The following TNPO3 variants were observed in gnomAD, a reference collection of about 807,000 sequenced individuals.
The protein encoded by TNPO3 is transportin 3.
In TNPO3, 65 loss-of-function variants were observed where a neutral mutation model predicts 122.8. That is an observed-to-expected ratio of 0.53 (90% CI 0.43 to 0.65). The LOEUF (loss-of-function observed/expected upper bound fraction) is 0.65. TNPO3 is among the 30% of genes least tolerant of loss of function. TNPO3 has a pLI of 0.00. For synonymous variants in TNPO3, 372 were observed against 411.2 expected (o/e 0.90, Z 1.15); for missense variants, 850 against 1,136.7 (o/e 0.75, Z 3.63).
At chr7:129,000,600 C>T in intron 6 of TNPO3, 33 bp from the exon 7 acceptor site, 1 of 1,597,928 alleles carries the variant, frequency 6.3e-7, no homozygotes, top group Non-Finnish European at 8.5e-7. Flanking sequence ...AACAATGAGT[C>T]AGAAATCTGG....
chr7:129,054,717 A>G lies in TNPO3; in HGVS notation c.54T>C (p.Leu18=). 5 of 1,614,168 alleles carry G rather than the reference A, an allele frequency of 3.1e-6. No individual in the cohort carries two copies. The highest frequency in any genetic ancestry group is 3.4e-6 in the Non-Finnish European group (4 of 1,180,022). The change falls in exon 1 of 23, where the codon CTT becomes CTC. Residue 18 remains leucine (L), a synonymous_variant. Coordinates refer to ENST00000265388, the MANE Select transcript of TNPO3 (RefSeq NM_012470.4). ...LQLVYQAVQA[L]YHDPDPSGKE... ...TTCCGCTGGGATCTGGGTCGTGGTA[A>G]AGCGCCTGCACTGCCTGGTACACGA...
chr7:128,988,321 T>C (rs1800384931), intron 11 of TNPO3, among the ~76,000 whole-genome samples: 1 of 152,180 alleles, frequency 6.6e-6, no homozygotes, highest in Non-Finnish European at 1.5e-5. Context: ...TGTCCATTTC[T>C]AGTCTAATGA....
intron 1 of TNPO3, among the ~76,000 whole-genome samples, chr7:129,022,359 T>A (rs549786043): frequency 3.8e-4 from 57 of 151,996 alleles, no homozygotes; most frequent in African/African-American, 1.2e-3. Context: ...ATTTTTTTAA[T>A]TAAAAAAATT....
intron 1 of TNPO3, among the ~76,000 whole-genome samples, chr7:129,048,808 T>C (rs1405728978): frequency 6.6e-6 from 1 of 152,242 alleles, no homozygotes; most frequent in Non-Finnish European, 1.5e-5. Flanking sequence ...TATCTGCATG[T>C]ATGCACTTCT....
Position 128,988,622 on chromosome 7 carries a change from A to C in TNPO3, c.1498+1339T>G, listed in dbSNP as rs146864145. On this transcript the variant is annotated intron_variant, in intron 11 of 22. Coordinates refer to ENST00000265388, the MANE Select transcript of TNPO3 (RefSeq NM_012470.4). The stretch of plus-strand genomic sequence containing the variant: ...TCTTTTGATAAGAGTCTGCAAGTCA[A>C]CCTAGATTTGCTGCTTTCTGGACAT... 3.3e-5 allele frequency among the ~76,000 whole-genome samples: 5 copies of C among 152,328 alleles called. No individual in the cohort carries two copies. In the South Asian group the frequency reaches 1.0e-3, roughly 32 times the overall value.
In TNPO3 at chr7:128,991,356, G is replaced by C. The variant is rs187547110; in HGVS notation, c.1358+643C>G. 4.8e-3 allele frequency among the ~76,000 whole-genome samples: 727 copies of C among 152,238 alleles called. 3 individuals are homozygous for C. Among genetic ancestry groups the C allele is most frequent in the Non-Finnish European group, 7.7e-3 (521 of 68,002 alleles). ...CCAATCAAGACTGAATACAGAGCTT[G>C]ACTGCAGGTATCAGGTCACAATTCA... On this transcript the variant is annotated intron_variant, in intron 10 of 22. Transcript: ENST00000265388.
chr7:128,984,021 T>C (rs1310652535), intron 13 of TNPO3, 147 bp downstream of exon 13: 2 of 507,492 alleles, frequency 3.9e-6, no homozygotes, highest in Non-Finnish European at 6.9e-6. Context: ...TGCAGCTACT[T>C]TGATTACATT....
chr7:129,027,565 AAAAAAAAAAAAAAAAAAAAAAAAAAAC>A lies in TNPO3; in HGVS notation c.121-9435_121-9409del, dbSNP rs2150480535. 1.7e-5 allele frequency among the ~76,000 whole-genome samples: 2 copies of A among 118,058 alleles called. 1 individual carries two copies. Among genetic ancestry groups the A allele is most frequent in the South Asian group, 6.4e-4 (2 of 3,106 alleles). 77.5% of individuals were successfully genotyped at this position (118,058 alleles called of 152,430 possible). A position where few individuals can be genotyped will look rare whatever the true frequency, so the allele number is the denominator to read the frequency against. On this transcript the variant is annotated intron_variant, in intron 1 of 22. Coordinates refer to ENST00000265388, the MANE Select transcript of TNPO3 (RefSeq NM_012470.4). ...AACAGAGCAAGACTGTCTCAAAAAA[AAAAAAAAAAAAAAAAAAAAAAAAAAAC>A]AACACAAAAAATTCACTAAATACTC... is the stretch of plus-strand genomic sequence containing the variant.
intron 4 of TNPO3, among the ~76,000 whole-genome samples, chr7:129,012,003 C>CT (rs1174882837): frequency 0.047 from 6,126 of 131,666 alleles, 234 homozygotes; most frequent in Middle Eastern, 0.068. Flanking sequence ...CTTTTTCTTT[C>CT]TTTTTTTTTT....
intron 16 of TNPO3, among the ~76,000 whole-genome samples, chr7:128,977,410 T>C (rs1799169591): frequency 6.6e-6 from 1 of 152,156 alleles, no homozygotes; most frequent in Non-Finnish European, 1.5e-5. Context: ...CAGCATATAG[T>C]GAAAGTAGAG....
intron 1 of TNPO3, among the ~76,000 whole-genome samples, chr7:129,035,619 GA>G (rs940429068): frequency 7.4e-5 from 11 of 149,588 alleles, no homozygotes; most frequent in South Asian, 4.3e-4. Context: ...ACGTCGGGGG[GA>G]AAAAAAAAGC....
rs73463020 is a variant in TNPO3, at chr7:128,967,470, C to T, written c.2599-78G>A. On this transcript the variant is annotated intron_variant, in intron 20 of 22. Transcript: ENST00000265388. ...TGAGACCCTACAGATACTAACAAAA[C>T]CCCACAAATTTTCCTTAGTAGCATT... 0.022 allele frequency: 20,115 copies of T among 930,964 alleles called. 426 individuals are homozygous for T. Among genetic ancestry groups the T allele is most frequent in the East Asian group, 0.093 (3,733 of 40,012 alleles). The allele number at this position is 930,964 out of a possible 1,614,324, so 57.7% of individuals were successfully genotyped here.
intron 1 of TNPO3, among the ~76,000 whole-genome samples, chr7:129,042,711 A>T (rs1807534421): frequency 6.6e-6 from 1 of 152,164 alleles, no homozygotes; most frequent in South Asian, 2.1e-4. Context: ...TTAAGAAAAA[A>T]ATAAACTGAG....
In TNPO3 at chr7:128,955,240, G is replaced by A. The variant is rs1158328563; in HGVS notation, c.*177C>T. 2.2e-6 allele frequency: 1 copy of A among 446,226 alleles called. No homozygotes were observed. Among genetic ancestry groups the A allele is most frequent in the Non-Finnish European group, 4.5e-6 (1 of 224,170 alleles). The allele number at this position is 446,226 out of a possible 1,614,324, so 27.6% of individuals were successfully genotyped here. A position where few individuals can be genotyped will look rare whatever the true frequency, so the allele number is the denominator to read the frequency against. ...ACACCCCCAAACAGGAACTCCTCAG[G>A]ATGGCCTCAGAAGGCTGGAGTCTCT... On this transcript the variant is annotated 3_prime_UTR_variant, in exon 23 of 23. Coordinates refer to ENST00000265388, the MANE Select transcript of TNPO3 (RefSeq NM_012470.4).
At position 128,970,142 on chromosome 7, in the gene TNPO3, T is replaced by A; in HGVS notation, c.2598+6A>T. 6.2e-7 allele frequency: 1 copy of A among 1,613,948 alleles called. No individual in the cohort carries two copies. On this transcript the variant is annotated splice_donor_region_variant and intron_variant, in intron 20 of 22. Coordinates refer to ENST00000265388, the MANE Select transcript of TNPO3 (RefSeq NM_012470.4). ...TGAGATAAATTCCTCATGAAAACAATCTTACCGGTCTGTCAACCTGCATGA... is the reference window on the plus strand; with the variant it reads ...TGAGATAAATTCCTCATGAAAACAAACTTACCGGTCTGTCAACCTGCATGA...
At chr7:129,056,134 A>C, upstream of TNPO3, 2 of 1,021,362 alleles carry the variant, frequency 2.0e-6, no homozygotes, top group South Asian at 2.6e-5. Context: ...GCCGACACCA[A>C]GGTGATTTGT....
chr7:129,030,618 G>A (rs1015455364), intron 1 of TNPO3: 2 of 152,144 alleles, frequency 1.3e-5, no homozygotes, highest in African/African-American at 2.4e-5. Flanking sequence ...ATGGCAATAT[G>A]GAAGACTAGG....
chr7:129,026,299 C>T (rs1004706261), intron 1 of TNPO3, among the ~76,000 whole-genome samples: 1 of 151,700 alleles, frequency 6.6e-6, no homozygotes, highest in Non-Finnish European at 1.5e-5. Flanking sequence ...CCCAGGCAAA[C>T]CAGTAATCTT....
rs150946029 is a variant in TNPO3, at chr7:129,040,672, G to GT, written c.120+13978dup. Among the ~76,000 whole-genome samples the GT allele has an allele frequency of 8.9e-4, 135 of 151,074 alleles. No individual in the cohort carries two copies. The South Asian group carries it at 0.024, about 27-fold the overall frequency. ...CTCATTATGTTATTATCTAGTTTGGGTTTTTTTTTAACCTAAACTATGGAT... is the reference window on the plus strand; with the variant it reads ...CTCATTATGTTATTATCTAGTTTGGGTTTTTTTTTTAACCTAAACTATGGAT... On this transcript the variant is annotated intron_variant, in intron 1 of 22. Transcript: ENST00000265388.
Sources: allele counts gnomAD v4.1 joint callset (sites outside exome capture counted in the v4.1 genomes callset), GRCh38; gene constraint gnomAD v4.1.1; transcripts MANE v1.5; gene names NCBI Gene and HGNC (gene_info 2026-07-23, HGNC 2026-07-21).